The following LYST variants were observed in gnomAD, a reference collection of about 807,000 sequenced individuals.
The protein encoded by LYST is lysosomal-trafficking regulator.
LYST carries 192 observed loss-of-function variants against 413.6 expected under a neutral mutation model. The ratio of observed to expected loss-of-function variants is 0.46; its 90% CI spans 0.41 to 0.52. LYST has a LOEUF of 0.52. LYST is among the 20% of genes least tolerant of loss of function. The pLI is 0.00. For synonymous variants in LYST, 1,525 were observed against 1,567.3 expected, an observed-to-expected ratio of 0.97 and a Z score of 0.64; for missense variants, 3,815 against 4,499.9, an observed-to-expected ratio of 0.85 and a Z score of 4.35.
chr1:235,838,967 C>G (rs1168824589), intron 1 of LYST, among the ~76,000 whole-genome samples: 1 of 152,034 alleles, frequency 6.6e-6, no homozygotes, highest in African/African-American at 2.4e-5. Flanking sequence ...TCTCCCCCTA[C>G]TGCCCTATCC....
intron 7 of LYST, among the ~76,000 whole-genome samples, chr1:235,803,474 T>G (rs1046477394): frequency 3.9e-5 from 6 of 152,166 alleles, no homozygotes; most frequent in African/African-American, 1.4e-4. Context: ...AAATGCCTTA[T>G]AAGTTAGGTA....
chr1:235,734,488 T>C lies in LYST; in HGVS notation c.8530A>G (p.Lys2844Glu), dbSNP rs770246867. Residue 2844 changes from lysine to glutamate, a missense_variant, in exon 32 of 53, where the codon AAA (lysine) becomes GAA (glutamate). By Grantham distance (56) the Lys-to-Glu change is moderately conservative. Around this residue, in one of 4 missense-constraint regions of LYST, gnomAD observed 771 missense variants for 837.1 expected, o/e 0.92. Coordinates refer to ENST00000389793, the MANE Select transcript of LYST (RefSeq NM_000081.4). ...STKADLIKMI[K>E]EEQKKYETEE... Reference sequence around the variant, plus strand: ...CTATGGTTTCATTGACTCACCTCTTTGATCATTTTAATAAGGTCTGCTTTT... The same window carrying C: ...CTATGGTTTCATTGACTCACCTCTTCGATCATTTTAATAAGGTCTGCTTTT... 1 of 1,613,364 alleles carries C rather than the reference T, an allele frequency of 6.2e-7. No individual in the cohort carries two copies. Among genetic ancestry groups the C allele is most frequent in the Non-Finnish European group, 8.5e-7 (1 of 1,179,342 alleles).
Position 235,716,722 on chromosome 1 carries a change from T to C in LYST, c.9617A>G (p.Asp3206Gly), listed in dbSNP as rs779459433. ...QYKEKEDRYV[D>G]TYKYLEEEYR... ...AAAAACAAAAGCTACCTTGTATGTG[T>C]CCACATAACGATCTTCTTTTTCTTT... Residue 3206 changes from aspartate (D) to glycine (G), a missense_variant, in exon 41 of 53, where the codon GAC becomes GGC. Asp to Gly is a moderately conservative substitution (Grantham distance 94). This residue lies in a region of LYST where 866 missense variants were observed against 1,156.0 expected (regional missense o/e 0.75). Coordinates refer to ENST00000389793, the MANE Select transcript of LYST (RefSeq NM_000081.4). 7 of 1,590,498 alleles carry C rather than the reference T, an allele frequency of 4.4e-6. No homozygotes were observed. Among genetic ancestry groups the C allele is most frequent in the Non-Finnish European group, 2.6e-6 (3 of 1,159,416 alleles).
At chr1:235,822,889 T>A (rs1042147410) in intron 3 of LYST, among the ~76,000 whole-genome samples, 3 of 152,196 alleles carry the variant, frequency 2.0e-5, no homozygotes, top group African/African-American at 4.8e-5. Context: ...TGAGAAGCCA[T>A]GTGGATGAGA....
intron 40 of LYST, 86 bp downstream of exon 40, chr1:235,720,575 T>C: frequency 2.2e-6 from 3 of 1,348,320 alleles, no homozygotes; most frequent in Non-Finnish European, 3.2e-6. Context: ...TTGTGCATGT[T>C]TGAAATTTTT....
chr1:235,800,364 C>T lies in LYST; in HGVS notation c.3962G>A (p.Gly1321Glu). The T allele has an allele frequency of 6.3e-7, 1 of 1,593,208 alleles. No homozygotes were observed. The highest frequency in any genetic ancestry group is 8.6e-7 in the Non-Finnish European group (1 of 1,161,294). ...MQQGTVKNLLGGFLSILTQDD... is the reference protein window; with the variant it reads ...MQQGTVKNLLEGFLSILTQDD... ...CTGTGTTAAAATACTCAAGAACCCT[C>T]CTAAAAGATTTTTCACAGTTCCCTG... Residue 1321 changes from glycine to glutamate, a missense_variant, in exon 10 of 53, where the codon GGA (glycine) becomes GAA (glutamate). This residue lies in a region of LYST where 1,648 missense variants were observed against 1,810.3 expected (regional missense o/e 0.91). Coordinates refer to ENST00000389793, the MANE Select transcript of LYST (RefSeq NM_000081.4).
intron 43 of LYST, among the ~76,000 whole-genome samples, chr1:235,710,443 A>G (rs1047081389): frequency 9.9e-5 from 15 of 152,140 alleles, no homozygotes. Flanking sequence ...GATGGGGTGC[A>G]TAAGGGCATT....
At position 235,716,692 on chromosome 1, in the gene LYST, C is replaced by G; in HGVS notation, c.9627+20G>C. ...ACACAATTTTTCATTTAATAAAGTA[C>G]GAGTAAAAACAAAAGCTACCTTGTA... On this transcript the variant is annotated intron_variant, in intron 41 of 52. Coordinates refer to ENST00000389793, the MANE Select transcript of LYST (RefSeq NM_000081.4). 6.7e-7 allele frequency: 1 copy of G among 1,486,176 alleles called. No individual in the cohort carries two copies. Among genetic ancestry groups the G allele is most frequent in the Non-Finnish European group, 9.4e-7 (1 of 1,066,844 alleles). The allele number at this position is 1,486,176 out of a possible 1,614,324, so 92.1% of individuals were successfully genotyped here.
intron 3 of LYST, among the ~76,000 whole-genome samples, chr1:235,814,104 G>T (rs1347085725): frequency 6.6e-6 from 1 of 152,130 alleles, no homozygotes; most frequent in Admixed American, 6.5e-5. Context: ...AGGGAGAAAA[G>T]AAAAGATCTA....
chr1:235,669,503 A>G (rs1259229857), intron 50 of LYST, among the ~76,000 whole-genome samples: 1 of 152,238 alleles, frequency 6.6e-6, no homozygotes, highest in Non-Finnish European at 1.5e-5. Flanking sequence ...GCAACTTTGT[A>G]ACTTCACCTT....
chr1:235,690,494 A>G (rs1347309066), intron 47 of LYST, among the ~76,000 whole-genome samples: 3 of 152,196 alleles, frequency 2.0e-5, no homozygotes, highest in Non-Finnish European at 4.4e-5. Flanking sequence ...TGGTTAATGC[A>G]GCCTGATGTT....
intron 50 of LYST, among the ~76,000 whole-genome samples, chr1:235,671,476 G>C (rs926414307): frequency 1.3e-5 from 2 of 152,136 alleles, no homozygotes; most frequent in African/African-American, 4.8e-5. Flanking sequence ...TTACATCCCA[G>C]GATGAATCCC....
intron 46 of LYST, among the ~76,000 whole-genome samples, chr1:235,694,204 G>A (rs1371254628): frequency 5.3e-5 from 8 of 151,682 alleles, no homozygotes; most frequent in African/African-American, 1.5e-4. Flanking sequence ...TAGTAGAGAC[G>A]GGGTTTCATC....
chr1:235,761,111 T>A (rs1014165824), intron 22 of LYST, among the ~76,000 whole-genome samples: 19 of 152,132 alleles, frequency 1.2e-4, no homozygotes, highest in East Asian at 3.9e-4. Flanking sequence ...AAATTTTTTT[T>A]AAAAAGAAAA....
In LYST at chr1:235,704,763, T is replaced by C. The variant is rs556010943; in HGVS notation, c.10144-1786A>G. On this transcript the variant is annotated intron_variant, in intron 44 of 52. Transcript: ENST00000389793. ...CAGAAGCTCTTAAGTTAGATCCCAC[T>C]TGTCAATTGTTGCTCTTGTTGTGAA... 3.3e-5 allele frequency among the ~76,000 whole-genome samples: 5 copies of C among 152,332 alleles called. No individual in the cohort carries two copies. The South Asian group carries it at 8.3e-4, about 25-fold the overall frequency.
At chr1:235,672,682 CTT>C (rs966464642) in intron 50 of LYST, among the ~76,000 whole-genome samples, 2 of 152,126 alleles carry the variant, frequency 1.3e-5, no homozygotes, top group Non-Finnish European at 2.9e-5. Context: ...ACTAAAGAAA[CTT>C]TTCTAAACTT....
rs1344991194 is a variant in LYST at position 235,664,760 on chromosome 1, G to C, written c.11039-139C>G. On this transcript the variant is annotated intron_variant, in intron 50 of 52. Coordinates refer to ENST00000389793, the MANE Select transcript of LYST (RefSeq NM_000081.4). This position sits in a 1 kb window ranked among gnomAD's most constrained non-coding sequence, Gnocchi z 4.5. ...TGTAGACAACCCATGACTGAAGACT[G>C]TATAAATGAAATTACTACACAAGTT... is the stretch of plus-strand genomic sequence containing the variant. 4.1e-6 allele frequency: 3 copies of C among 732,130 alleles called. No homozygotes were observed. In the Admixed American group the frequency reaches 6.6e-5, roughly 16 times the overall value. 45.4% of individuals were successfully genotyped at this position (732,130 alleles called of 1,614,324 possible). A position where few individuals can be genotyped will look rare whatever the true frequency, so the allele number is the denominator to read the frequency against.
At chr1:235,768,749 T>C (rs1283828820) in intron 20 of LYST, among the ~76,000 whole-genome samples, 1 of 152,086 alleles carries the variant, frequency 6.6e-6, no homozygotes, top group Non-Finnish European at 1.5e-5. Context: ...TCATATGAAC[T>C]TAATGAAAAT....
intron 9 of LYST, 149 bp downstream of exon 9, chr1:235,800,722 T>C (rs1558264759): frequency 4.8e-6 from 3 of 628,642 alleles, no homozygotes; most frequent in Non-Finnish European, 8.3e-6. Context: ...GATTTTGGAA[T>C]ACCACTTGTA....
Sources: allele counts gnomAD v4.1 joint callset (sites outside exome capture counted in the v4.1 genomes callset), GRCh38; gene constraint gnomAD v4.1.1; regional missense constraint gnomAD v4.1.1; non-coding constraint Gnocchi (gnomAD v3.1); transcripts MANE v1.5; gene names NCBI Gene and HGNC (gene_info 2026-07-23, HGNC 2026-07-21).